FKBP5: variants seen among roughly 807,000 people sequenced by gnomAD.
FKBP5 encodes the protein peptidyl-prolyl cis-trans isomerase FKBP5.
FKBP5 carries 23 observed loss-of-function variants against 50.5 expected under a neutral mutation model. The observed-to-expected ratio is 0.46, with a 90% CI of 0.33 to 0.65. The LOEUF (loss-of-function observed/expected upper bound fraction) is 0.65. Among genes scored for constraint, FKBP5 ranks in the 30% least tolerant of loss-of-function variants. FKBP5 has a pLI of 0.02. For missense variants in FKBP5, 411 were observed against 553.1 expected, an observed-to-expected ratio of 0.74 and a Z score of 2.58; for synonymous variants, 176 against 190.6, an observed-to-expected ratio of 0.92 and a Z score of 0.63.
intron 7 of FKBP5, among the ~76,000 whole-genome samples, chr6:35,588,767 AT>A (rs758119749): frequency 0.042 from 5,664 of 135,666 alleles, 149 homozygotes; most frequent in African/African-American, 0.083. Flanking sequence ...TGTCCAGCTA[AT>A]TTTTTTTTTT....
chr6:35,580,423 A>AG, intron 8 of FKBP5: 1 of 506,582 alleles, frequency 2.0e-6, no homozygotes, highest in South Asian at 2.7e-5. Flanking sequence ...GCAGTGCCTG[A>AG]GCACTGCCTA....
rs566454022 is a variant in FKBP5 at position 35,702,097 on chromosome 6, C to T, written c.-20+18231G>A. On this transcript the variant is annotated intron_variant, in intron 2 of 11. Transcript: ENST00000536438. ...TCCTGACCTCAAGTGATCTGCCCAT[C>T]CTGGCCTCCTAAAGTGCTGGGATTA... is the stretch of plus-strand genomic sequence containing the variant. Among the ~76,000 whole-genome samples the T allele has an allele frequency of 2.4e-3, 368 of 152,226 alleles. 1 individual carries two copies. The highest frequency in any genetic ancestry group is 0.014 in the Middle Eastern group (4 of 294).
intron 6 of FKBP5, among the ~76,000 whole-genome samples, chr6:35,594,347 G>C (rs1216088385): frequency 1.3e-5 from 2 of 152,040 alleles, no homozygotes; most frequent in East Asian, 1.9e-4. Flanking sequence ...TGTCTCGGGG[G>C]GTGGGGGAGG....
chr6:35,642,664 TATA>T, intron 2 of FKBP5, 53 bp downstream of exon 2: 1 of 1,374,576 alleles, frequency 7.3e-7, no homozygotes, highest in South Asian at 1.2e-5. Context: ...AAAGAGATGC[TATA>T]ATCTTTCCAG....
chr6:35,652,456 G>C (rs1291078477), intron 1 of FKBP5, among the ~76,000 whole-genome samples: 1 of 152,218 alleles, frequency 6.6e-6, no homozygotes, highest in African/African-American at 2.4e-5. Context: ...CTGAGAAAGA[G>C]AATGCGCACC....
intron 1 of FKBP5, among the ~76,000 whole-genome samples, chr6:35,723,200 TC>T (rs777565508): frequency 1.3e-5 from 2 of 151,666 alleles, no homozygotes; most frequent in Non-Finnish European, 2.9e-5. Flanking sequence ...ACCACTGCAC[TC>T]CAGCCTGGGC....
At chr6:35,701,329 C>T (rs1415998235) in intron 2 of FKBP5, among the ~76,000 whole-genome samples, 6 of 147,784 alleles carry the variant, frequency 4.1e-5, no homozygotes, top group East Asian at 2.0e-4. Context: ...CTGCAAGCTC[C>T]GCCTCCCGGG....
At chr6:35,655,500 A>G (rs1764922064) in intron 1 of FKBP5, among the ~76,000 whole-genome samples, 1 of 152,220 alleles carries the variant, frequency 6.6e-6, no homozygotes, top group Non-Finnish European at 1.5e-5. Context: ...TCTAGGAACG[A>G]GCCAACAAGG....
intron 1 of FKBP5, among the ~76,000 whole-genome samples, chr6:35,648,874 T>G (rs2150992626): frequency 6.6e-6 from 1 of 152,120 alleles, no homozygotes; most frequent in Middle Eastern, 3.4e-3. Flanking sequence ...GCTTGAACCC[T>G]GGAGACGGAG....
chr6:35,577,543 G>A (rs1292888322), intron 9 of FKBP5, among the ~76,000 whole-genome samples: 1 of 152,196 alleles, frequency 6.6e-6, no homozygotes, highest in African/African-American at 2.4e-5. Flanking sequence ...AGAGGCACTT[G>A]TCTTACCAGA....
chr6:35,611,067 GAGA>G (rs1763477593), intron 5 of FKBP5, among the ~76,000 whole-genome samples: 1 of 152,146 alleles, frequency 6.6e-6, no homozygotes, highest in Non-Finnish European at 1.5e-5. Context: ...TAAGCCTGTT[GAGA>G]AGAACAGTGT....
intron 8 of FKBP5, chr6:35,585,070 C>T (rs1442475247): frequency 1.2e-5 from 12 of 985,106 alleles, no homozygotes; most frequent in African/African-American, 8.7e-5. Flanking sequence ...ATCATAGCAC[C>T]GATTAGAGCC....
At chr6:35,587,358 G>A (rs1488236520) in intron 7 of FKBP5, among the ~76,000 whole-genome samples, 9 of 152,138 alleles carry the variant, frequency 5.9e-5, no homozygotes, top group Non-Finnish European at 1.3e-4. Flanking sequence ...GAGAGGAGCC[G>A]CAAAAACACA....
rs543680048 is a variant in FKBP5, at chr6:35,700,167, A to G, written c.-20+20161T>C. Among the ~76,000 whole-genome samples, 3 of 152,022 alleles carry G rather than the reference A, an allele frequency of 2.0e-5. No individual in the cohort carries two copies. In the East Asian group the frequency reaches 5.8e-4, roughly 29 times the overall value. ...GTGCCTGCCACTTCTTTTTTATTTT[A>G]TTTATTTTTTTCTGAGACAGTCTCG... On this transcript the variant is annotated intron_variant, in intron 2 of 11. Transcript: ENST00000536438.
chr6:35,704,909 AG>A (rs1372623622), intron 2 of FKBP5, among the ~76,000 whole-genome samples: 1 of 151,884 alleles, frequency 6.6e-6, no homozygotes, highest in Non-Finnish European at 1.5e-5. Flanking sequence ...TGGGAGGCCG[AG>A]GCGGGCGGAT....
chr6:35,634,567 T>C (rs1374974890), intron 3 of FKBP5, among the ~76,000 whole-genome samples: 1 of 152,076 alleles, frequency 6.6e-6, no homozygotes, highest in Non-Finnish European at 1.5e-5. Context: ...GAAGGCTGAG[T>C]GGCAAGAGAC....
chr6:35,653,048 G>A (rs1051017987), intron 1 of FKBP5, among the ~76,000 whole-genome samples: 1 of 152,180 alleles, frequency 6.6e-6, no homozygotes, highest in Non-Finnish European at 1.5e-5. Flanking sequence ...TTAACTGATG[G>A]GAGTATTGAT....
chr6:35,586,238 G>A, intron 8 of FKBP5: 1 of 985,030 alleles, frequency 1.0e-6, no homozygotes, highest in Non-Finnish European at 1.2e-6. Flanking sequence ...ACATCTAGAG[G>A]TTTAAGATCT....
At chr6:35,682,277 T>TAAAG (rs1228578996) in intron 1 of FKBP5, among the ~76,000 whole-genome samples, 3 of 152,192 alleles carry the variant, frequency 2.0e-5, no homozygotes, top group African/African-American at 7.2e-5. Context: ...CTAACATGGG[T>TAAAG]AAAGAACATT....
Sources: gnomAD v4.1 joint callset for allele counts (sites outside exome capture counted in the v4.1 genomes callset) on GRCh38, gnomAD v4.1.1 for gene constraint, MANE v1.5 for transcripts, NCBI Gene and HGNC (gene_info 2026-07-23, HGNC 2026-07-21) for gene names.